The following GLT1D1 variants were observed in gnomAD, a reference collection of about 807,000 sequenced individuals.
GLT1D1 encodes glycosyltransferase 1 domain-containing protein 1.
A neutral mutation model predicts 28.7 loss-of-function variants in GLT1D1; 21 were observed. The observed-to-expected ratio is 0.73, with a 90% CI of 0.52 to 1.05. The LOEUF is 1.05. Among genes scored for constraint, GLT1D1 ranks in the 50% least tolerant of loss-of-function variants. The probability of loss-of-function intolerance (pLI) is 0.00; values close to 1 mark genes in which losing one functional copy is unlikely to be tolerated. For synonymous variants in GLT1D1, 147 were observed against 124.8 expected (o/e 1.18, Z -1.19); for missense variants, 343 against 330.6 (o/e 1.04, Z -0.29).
chr12:128,926,852 G>T (rs1873274228), intron 4 of GLT1D1, among the ~76,000 whole-genome samples: 1 of 152,166 alleles, frequency 6.6e-6, no homozygotes. Context: ...TGATATTGGA[G>T]ACTAGTCCTA....
chr12:128,949,832 G>T (rs547252877), intron 6 of GLT1D1, among the ~76,000 whole-genome samples: 1 of 151,278 alleles, frequency 6.6e-6, no homozygotes, highest in Non-Finnish European at 1.5e-5. Context: ...ATGTACACAC[G>T]CACATGCACA....
At chr12:128,905,106 AC>A (rs1870715606) in intron 4 of GLT1D1, among the ~76,000 whole-genome samples, 1 of 152,042 alleles carries the variant, frequency 6.6e-6, no homozygotes, top group African/African-American at 2.4e-5. Flanking sequence ...CAGGTATTAC[AC>A]CACTTACGCC....
intron 4 of GLT1D1, among the ~76,000 whole-genome samples, chr12:128,918,913 A>G (rs1566132332): frequency 6.6e-6 from 1 of 152,248 alleles, no homozygotes; most frequent in Non-Finnish European, 1.5e-5. Flanking sequence ...CACTCCTTAC[A>G]AAGCGTTTTC....
chr12:128,902,777 C>T (rs1336633832), intron 4 of GLT1D1, among the ~76,000 whole-genome samples: 38 of 151,412 alleles, frequency 2.5e-4, no homozygotes, highest in Non-Finnish European at 1.2e-4. Flanking sequence ...GGCGCAGTGG[C>T]TCAACCTGTA....
chr12:128,892,194 T>C (rs1869138286), intron 3 of GLT1D1, among the ~76,000 whole-genome samples: 1 of 152,200 alleles, frequency 6.6e-6, no homozygotes, highest in Non-Finnish European at 1.5e-5. Flanking sequence ...GGTTTGCCCT[T>C]AGCAGTTCCC....
intron 4 of GLT1D1, among the ~76,000 whole-genome samples, chr12:128,899,570 G>A (rs1226357961): frequency 8.1e-6 from 1 of 123,344 alleles, no homozygotes; most frequent in African/African-American, 3.0e-5. Context: ...TTTTTTTTGA[G>A]ACGGAGTCTT....
At chr12:128,936,937 G>T (rs1464154532) in intron 4 of GLT1D1, among the ~76,000 whole-genome samples, 2 of 152,180 alleles carry the variant, frequency 1.3e-5, no homozygotes, top group Non-Finnish European at 2.9e-5. Flanking sequence ...AGATTTGAAA[G>T]TGAACTGATG....
intron 4 of GLT1D1, 47 bp downstream of exon 6, chr12:128,915,036 T>A: frequency 7.1e-7 from 1 of 1,401,174 alleles, no homozygotes; most frequent in Non-Finnish European, 9.7e-7. Context: ...GTGCATCTTG[T>A]CAGTTACTTT....
chr12:128,908,294 A>G (rs1166321259), intron 4 of GLT1D1, among the ~76,000 whole-genome samples: 1 of 147,518 alleles, frequency 6.8e-6, no homozygotes, highest in African/African-American at 2.5e-5. Context: ...TTTCTTTCTC[A>G]TCTCACCCAC....
At chr12:128,879,394 C>CTTTCTTTCTT (rs1956959449) in intron 2 of GLT1D1, among the ~76,000 whole-genome samples, 2 of 69,054 alleles carry the variant, frequency 2.9e-5, no homozygotes, top group African/African-American at 7.1e-5. Flanking sequence ...TTCTTTCTTT[C>CTTTCTTTCTT]TTTCTTTCTT....
chr12:128,910,670 G>T (rs900712330), intron 4 of GLT1D1, among the ~76,000 whole-genome samples: 1 of 148,224 alleles, frequency 6.7e-6, no homozygotes, highest in African/African-American at 2.4e-5. Context: ...TAATTTCAAT[G>T]GTCGCCTTTA....
intron 1 of GLT1D1, among the ~76,000 whole-genome samples, chr12:128,860,918 C>A (rs144692744): frequency 6.6e-6 from 1 of 152,044 alleles, no homozygotes; most frequent in Non-Finnish European, 1.5e-5. Flanking sequence ...CAGTTTCTAA[C>A]GGTGAAGTTC....
chr12:128,881,564 ATAT>A (rs1957059597), intron 2 of GLT1D1, among the ~76,000 whole-genome samples: 64 of 55,068 alleles, frequency 1.2e-3, no homozygotes, highest in African/African-American at 4.0e-3. Flanking sequence ...AAAAAAAAAT[ATAT>A]ATATATATAT....
chr12:128,906,214 T>C (rs1228410288), intron 4 of GLT1D1, among the ~76,000 whole-genome samples: 2 of 152,246 alleles, frequency 1.3e-5, no homozygotes, highest in Non-Finnish European at 1.5e-5. Flanking sequence ...CTGAAATATA[T>C]GTTGTGGGAA....
At chr12:128,939,199 C>T (rs773454792) in intron 4 of GLT1D1, among the ~76,000 whole-genome samples, 22 of 152,014 alleles carry the variant, frequency 1.4e-4, no homozygotes, top group Non-Finnish European at 2.9e-4. Context: ...TTCTCTCTAC[C>T]TCCCAGTTCT....
chr12:128,981,718 A>G (rs1041321787), intron 7 of GLT1D1, among the ~76,000 whole-genome samples: 11 of 152,160 alleles, frequency 7.2e-5, no homozygotes, highest in African/African-American at 2.7e-4. Context: ...CTGTGGGGGA[A>G]TAACCATGGT....
At chr12:128,897,868 C>T (rs769765627) in intron 3 of GLT1D1, among the ~76,000 whole-genome samples, 8 of 151,968 alleles carry the variant, frequency 5.3e-5, no homozygotes, top group Non-Finnish European at 1.0e-4. Flanking sequence ...CGGGGTTTCA[C>T]GGTGTTAGCC....
rs1397894974 is a variant in GLT1D1, at chr12:128,942,735, G to GTTTTTTTTTTTTTTTTTTTTTT, written c.376-2588_376-2587insTTTTTTTTTTTTTTTTTTTTTT. ...ATCACTTTAGATTCCAATTTTCTTT[G>GTTTTTTTTTTTTTTTTTTTTTT]TTTGTTTGTTTTTGTTTTTTGTTTT... On this transcript the variant is annotated intron_variant, in intron 4 of 7. Coordinates refer to ENST00000281703, the MANE Select transcript of GLT1D1 (RefSeq NM_144669.3). Among the ~76,000 whole-genome samples the GTTTTTTTTTTTTTTTTTTTTTT allele has an allele frequency of 1.6e-4, 14 of 89,570 alleles. 3 individuals are homozygous for GTTTTTTTTTTTTTTTTTTTTTT. The highest frequency in any genetic ancestry group is 5.2e-4 in the African/African-American group (12 of 23,170). 58.8% of individuals were successfully genotyped at this position (89,570 alleles called of 152,430 possible). A position where few individuals can be genotyped will look rare whatever the true frequency, so the allele number is the denominator to read the frequency against.
chr12:128,968,888 G>A (rs1878748252), intron 7 of GLT1D1, among the ~76,000 whole-genome samples: 1 of 152,102 alleles, frequency 6.6e-6, no homozygotes, highest in African/African-American at 2.4e-5. Context: ...AGCGCCAGGA[G>A]CACAAATGGC....
Sources: gnomAD v4.1 joint callset for allele counts (sites outside exome capture counted in the v4.1 genomes callset) on GRCh38, gnomAD v4.1.1 for gene constraint, MANE v1.5 for transcripts, NCBI Gene and HGNC (gene_info 2026-07-23, HGNC 2026-07-21) for gene names.